Variants in OSTF1 observed in about 807,000 individuals in gnomAD.
OSTF1 encodes osteoclast-stimulating factor 1.
Under a neutral mutation model 37.2 loss-of-function variants are expected in OSTF1, and 27 were observed. That is an observed-to-expected ratio of 0.73 (90% CI 0.54 to 1.00). The LOEUF (loss-of-function observed/expected upper bound fraction) is 1.00. Among genes scored for constraint, OSTF1 ranks in the 50% least tolerant of loss-of-function variants. The probability of loss-of-function intolerance (pLI) is 0.00; values close to 1 mark genes in which losing one functional copy is unlikely to be tolerated. For missense variants in OSTF1, 232 were observed against 253.8 expected (o/e 0.91, Z 0.58); for synonymous variants, 82 against 89.2 (o/e 0.92, Z 0.46).
chr9:75,097,081 G>T (rs1200264075), intron 1 of OSTF1, among the ~76,000 whole-genome samples: 2 of 152,200 alleles, frequency 1.3e-5, no homozygotes, highest in African/African-American at 4.8e-5. Flanking sequence ...GGCAAGGAAA[G>T]TGTCCATGAA....
At chr9:75,114,611 G>A (rs144065163) in intron 1 of OSTF1, among the ~76,000 whole-genome samples, 7,231 of 151,012 alleles carry the variant, frequency 0.048, 220 homozygotes, top group Middle Eastern at 0.079. Flanking sequence ...GGAGTGCAGT[G>A]GTGCAATCTC....
chr9:75,140,556 A>G (rs1217826554), intron 8 of OSTF1, among the ~76,000 whole-genome samples: 2 of 152,242 alleles, frequency 1.3e-5, no homozygotes, highest in Admixed American at 1.3e-4. Flanking sequence ...CAAGCCCCAC[A>G]GGGACCATAA....
At chr9:75,103,477 G>A (rs1825231109) in intron 1 of OSTF1, among the ~76,000 whole-genome samples, 1 of 152,068 alleles carries the variant, frequency 6.6e-6, no homozygotes, top group Non-Finnish European at 1.5e-5. Context: ...TTTTGATGTT[G>A]TTTCTTTCCA....
chr9:75,141,056 T>G (rs575219219), intron 9 of OSTF1, 124 bp downstream of exon 9: 2 of 621,202 alleles, frequency 3.2e-6, no homozygotes, highest in African/African-American at 3.7e-5. Flanking sequence ...CCCAGCACTT[T>G]GGGAGGCCAA....
chr9:75,097,690 T>G (rs1399462932), intron 1 of OSTF1, among the ~76,000 whole-genome samples: 1 of 151,952 alleles, frequency 6.6e-6, no homozygotes, highest in East Asian at 1.9e-4. Flanking sequence ...AACATAAAAG[T>G]CTAATGGGGG....
At chr9:75,092,283 G>A (rs1167608484) in intron 1 of OSTF1, among the ~76,000 whole-genome samples, 2 of 152,222 alleles carry the variant, frequency 1.3e-5, no homozygotes, top group African/African-American at 4.8e-5. Flanking sequence ...GGCCATTTTT[G>A]TACCATCTGG....
At chr9:75,098,900 A>C (rs1424892447) in intron 1 of OSTF1, among the ~76,000 whole-genome samples, 1 of 152,206 alleles carries the variant, frequency 6.6e-6, no homozygotes, top group Non-Finnish European at 1.5e-5. Flanking sequence ...TGCCAGCTAT[A>C]CTGGCAGAAA....
chr9:75,114,978 T>C (rs1380390673), intron 1 of OSTF1, among the ~76,000 whole-genome samples: 1 of 152,238 alleles, frequency 6.6e-6, no homozygotes, highest in Non-Finnish European at 1.5e-5. Context: ...GGTGTCTCAT[T>C]CATAAAACAA....
chr9:75,141,444 A>G (rs922895486), intron 9 of OSTF1, among the ~76,000 whole-genome samples: 3 of 151,720 alleles, frequency 2.0e-5, no homozygotes, highest in African/African-American at 7.3e-5. Flanking sequence ...GACAAGAAAC[A>G]TAATCTTTTA....
intron 1 of OSTF1, among the ~76,000 whole-genome samples, chr9:75,102,946 G>T (rs562158622): frequency 6.6e-6 from 1 of 152,322 alleles, no homozygotes; most frequent in Admixed American, 6.5e-5. Flanking sequence ...GTGAGGAAGA[G>T]AAAGTGGATA....
intron 9 of OSTF1, among the ~76,000 whole-genome samples, chr9:75,142,056 T>C (rs561578499): frequency 8.5e-5 from 13 of 152,324 alleles, no homozygotes; most frequent in Non-Finnish European, 1.5e-4. Flanking sequence ...CCTCCTTTTG[T>C]TCTTTATTCT....
intron 1 of OSTF1, among the ~76,000 whole-genome samples, chr9:75,097,348 T>C (rs1825105275): frequency 6.6e-6 from 1 of 152,182 alleles, no homozygotes; most frequent in African/African-American, 2.4e-5. Flanking sequence ...TTCTGGTCCT[T>C]GCCTAAGGCC....
intron 1 of OSTF1, among the ~76,000 whole-genome samples, chr9:75,095,072 A>G (rs1478618409): frequency 6.6e-6 from 1 of 152,206 alleles, no homozygotes; most frequent in Non-Finnish European, 1.5e-5. Flanking sequence ...TAGAACCAGG[A>G]GAACTTCCTG....
chr9:75,144,397 T>G (rs997530135), intron 9 of OSTF1, among the ~76,000 whole-genome samples: 2 of 151,998 alleles, frequency 1.3e-5, no homozygotes, highest in Non-Finnish European at 2.9e-5. Flanking sequence ...CAAAAAAAAT[T>G]AAAAACTAGC....
intron 1 of OSTF1, among the ~76,000 whole-genome samples, chr9:75,097,012 A>T (rs1196364421): frequency 6.6e-6 from 1 of 152,206 alleles, no homozygotes; most frequent in Non-Finnish European, 1.5e-5. Flanking sequence ...CAGTGCTCAG[A>T]TTTATCTGAT....
In OSTF1 at chr9:75,140,877, C is replaced by G; in HGVS notation, c.531C>G (p.Phe177Leu). The change falls in exon 9 of 10, where the codon TTC (phenylalanine) becomes TTG (leucine). Residue 177 changes from phenylalanine to leucine, a missense_variant. Physicochemically the swap from Phe to Leu is conservative, Grantham distance 22. Transcript: ENST00000346234. The stretch of plus-strand genomic sequence containing the variant: ...GAAACATTGAGAAGAAGCTGGCCTT[C>G]GACATGGCTACCAATGCTGCCTGTG... ...DLRNIEKKLAFDMATNAACAS... is the reference protein window; with the variant it reads ...DLRNIEKKLALDMATNAACAS... The G allele has an allele frequency of 1.2e-6, 2 of 1,613,762 alleles. No homozygotes were observed. Among genetic ancestry groups the G allele is most frequent in the South Asian group, 2.2e-5 (2 of 91,068 alleles).
At chr9:75,103,964 C>T (rs1461762489) in intron 1 of OSTF1, among the ~76,000 whole-genome samples, 2 of 152,170 alleles carry the variant, frequency 1.3e-5, no homozygotes, top group Non-Finnish European at 2.9e-5. Flanking sequence ...CGTTATGGCT[C>T]ATGCCTGTAA....
intron 7 of OSTF1, among the ~76,000 whole-genome samples, chr9:75,134,654 G>A (rs924650000): frequency 2.0e-5 from 3 of 152,058 alleles, no homozygotes; most frequent in Non-Finnish European, 4.4e-5. Flanking sequence ...GAGCTATCTC[G>A]CCATGCATTG....
chr9:75,133,536 C>A, intron 6 of OSTF1, 135 bp downstream of exon 6: 1 of 593,636 alleles, frequency 1.7e-6, no homozygotes, highest in Non-Finnish European at 3.0e-6. Context: ...CGGCCAAAAC[C>A]CTTGTTCCTG....
Sources: allele counts gnomAD v4.1 joint callset (sites outside exome capture counted in the v4.1 genomes callset), GRCh38; gene constraint gnomAD v4.1.1; transcripts MANE v1.5; gene names NCBI Gene and HGNC (gene_info 2026-07-23, HGNC 2026-07-21).